Variants in MACROD2 observed in about 807,000 individuals in gnomAD.
MACROD2 encodes ADP-ribose glycohydrolase MACROD2.
In MACROD2, 36 loss-of-function variants were observed where a neutral mutation model predicts 70.4. The ratio of observed to expected loss-of-function variants is 0.51; its 90% confidence interval spans 0.39 to 0.68. The LOEUF is 0.68. Among genes scored for constraint, MACROD2 ranks in the 30% least tolerant of loss-of-function variants. The pLI, the probability that MACROD2 is intolerant of heterozygous loss-of-function variation, is 0.00. For synonymous variants in MACROD2, 172 were observed against 178.8 expected, an observed-to-expected ratio of 0.96 and a Z score of 0.30; for missense variants, 496 against 538.4, an observed-to-expected ratio of 0.92 and a Z score of 0.78.
intron 3 of MACROD2, among the ~76,000 whole-genome samples, chr20:14,419,373 G>A (rs1039713971): frequency 5.3e-5 from 8 of 152,054 alleles, no homozygotes; most frequent in African/African-American, 1.7e-4. Context: ...ATATATTTTT[G>A]AATATATTTA....
At chr20:14,287,575 T>G (rs1601437931) in intron 3 of MACROD2, among the ~76,000 whole-genome samples, 1 of 152,296 alleles carries the variant, frequency 6.6e-6, no homozygotes, top group Non-Finnish European at 1.5e-5. Flanking sequence ...TACCACAAAC[T>G]TAGGGGCTTA....
chr20:15,367,166 T>A (rs2045422508), intron 6 of MACROD2, among the ~76,000 whole-genome samples: 1 of 151,882 alleles, frequency 6.6e-6, no homozygotes, highest in Non-Finnish European at 1.5e-5. Flanking sequence ...TAGCTGGGAC[T>A]ACAAGCACGT....
chr20:14,412,383 T>C (rs2122869070), intron 3 of MACROD2, among the ~76,000 whole-genome samples: 1 of 152,212 alleles, frequency 6.6e-6, no homozygotes, highest in African/African-American at 2.4e-5. Context: ...ATACCTCTCA[T>C]TCCCCCAAAT....
At chr20:14,873,097 C>T (rs917293829) in intron 5 of MACROD2, among the ~76,000 whole-genome samples, 2 of 152,094 alleles carry the variant, frequency 1.3e-5, no homozygotes, top group African/African-American at 4.8e-5. Context: ...GGTGGGAACA[C>T]AAAGCCTGAC....
chr20:15,779,913 G>A (rs1426326235), intron 8 of MACROD2, among the ~76,000 whole-genome samples: 1 of 152,006 alleles, frequency 6.6e-6, no homozygotes, highest in Non-Finnish European at 1.5e-5. Context: ...ATGTTCTGCT[G>A]TGCCATTCTT....
intron 5 of MACROD2, among the ~76,000 whole-genome samples, chr20:14,744,761 G>A (rs575088195): frequency 2.0e-5 from 3 of 152,100 alleles, no homozygotes; most frequent in Middle Eastern, 3.2e-3. Flanking sequence ...GAAGAAACCT[G>A]AGTTAGCCTT....
intron 3 of MACROD2, among the ~76,000 whole-genome samples, chr20:14,470,704 G>A (rs990438862): frequency 9.2e-5 from 14 of 152,080 alleles, no homozygotes; most frequent in Admixed American, 2.0e-4. Flanking sequence ...CAGACTTCCC[G>A]GTGGCTTTGT....
intron 2 of MACROD2, among the ~76,000 whole-genome samples, chr20:14,050,527 A>G (rs2053551322): frequency 7.5e-6 from 1 of 134,216 alleles, no homozygotes. Context: ...TATAGGAGAA[A>G]CCCAGGCCAG....
Position 15,332,087 on chromosome 20 carries a change from G to A in MACROD2, c.541-99318G>A, listed in dbSNP as rs906554910. Reference sequence around the variant, plus strand: ...ATGAGTTCAAAATGCTAAAGAAATGGGTATTGTGTAGGAAATGGGAAAAGT... The same window carrying A: ...ATGAGTTCAAAATGCTAAAGAAATGAGTATTGTGTAGGAAATGGGAAAAGT... On this transcript the variant is annotated intron_variant, in intron 6 of 17. Coordinates refer to ENST00000684519, the MANE Select transcript of MACROD2 (RefSeq NM_001351661.2). 4.0e-5 allele frequency among the ~76,000 whole-genome samples: 6 copies of A among 151,548 alleles called. 1 individual carries two copies. Among genetic ancestry groups the A allele is most frequent in the African/African-American group, 1.5e-4 (6 of 40,934 alleles).
At chr20:15,043,936 C>T (rs1016705620) in intron 5 of MACROD2, among the ~76,000 whole-genome samples, 1 of 152,174 alleles carries the variant, frequency 6.6e-6, no homozygotes, top group African/African-American at 2.4e-5. Context: ...ATGAAGCTTC[C>T]AAACCTTCTC....
intron 15 of MACROD2, among the ~76,000 whole-genome samples, chr20:16,027,124 GA>G (rs11318735): frequency 0.32 from 48,010 of 151,976 alleles, 7,719 homozygotes; most frequent in South Asian, 0.41. Flanking sequence ...CTCCTAGTAG[GA>G]AAAAAATTCT....
At chr20:14,881,919 T>A (rs1343295694) in intron 5 of MACROD2, among the ~76,000 whole-genome samples, 1 of 152,196 alleles carries the variant, frequency 6.6e-6, no homozygotes, top group Non-Finnish European at 1.5e-5. Flanking sequence ...CTTCTATTTG[T>A]ATAGTGTTTA....
chr20:15,823,787 C>T (rs6043557), intron 8 of MACROD2, among the ~76,000 whole-genome samples: 63,897 of 151,904 alleles, frequency 0.42, 15,092 homozygotes, highest in African/African-American at 0.65. Context: ...TCGTGTCAGA[C>T]GGGGCCATGG....
intron 5 of MACROD2, among the ~76,000 whole-genome samples, chr20:15,164,615 G>T (rs933057622): frequency 1.3e-5 from 2 of 152,152 alleles, no homozygotes; most frequent in African/African-American, 4.8e-5. Flanking sequence ...GAAGTAACAG[G>T]CTGGGTATGG....
intron 3 of MACROD2, among the ~76,000 whole-genome samples, chr20:14,437,653 A>C (rs1051525865): frequency 1.3e-5 from 2 of 152,172 alleles, no homozygotes; most frequent in African/African-American, 4.8e-5. Context: ...CTCTTCGTCA[A>C]TTTGTTAATT....
intron 9 of MACROD2, among the ~76,000 whole-genome samples, chr20:15,873,576 A>G (rs1160803433): frequency 6.6e-6 from 1 of 152,060 alleles, no homozygotes; most frequent in African/African-American, 2.4e-5. Context: ...AATCTTTCAA[A>G]TATATGTTGC....
chr20:14,142,306 C>T (rs1404512338), intron 3 of MACROD2, among the ~76,000 whole-genome samples: 1 of 152,086 alleles, frequency 6.6e-6, no homozygotes, highest in African/African-American at 2.4e-5. Context: ...GTGATTCCAC[C>T]AGTCTGAACT....
intron 5 of MACROD2, among the ~76,000 whole-genome samples, chr20:14,766,286 C>T (rs1361095344): frequency 1.3e-5 from 2 of 151,982 alleles, no homozygotes; most frequent in Non-Finnish European, 2.9e-5. Flanking sequence ...TAGAATGGCA[C>T]CCCTAAGTTA....
chr20:15,646,935 A>G (rs2049556290), intron 8 of MACROD2, among the ~76,000 whole-genome samples: 1 of 152,230 alleles, frequency 6.6e-6, no homozygotes, highest in Admixed American at 6.5e-5. Context: ...CAGCACAGAC[A>G]TAGTGCAGCC....
Sources: gnomAD v4.1 joint callset for allele counts (sites outside exome capture counted in the v4.1 genomes callset) on GRCh38, gnomAD v4.1.1 for gene constraint, MANE v1.5 for transcripts, NCBI Gene and HGNC (gene_info 2026-07-23, HGNC 2026-07-21) for gene names.